The following HPSE2 variants were observed in gnomAD, a reference collection of about 807,000 sequenced individuals.
HPSE2 encodes inactive heparanase-2.
Under a neutral mutation model 60.5 loss-of-function variants are expected in HPSE2, and 38 were observed. That is an observed-to-expected ratio of 0.63 (90% confidence interval 0.48 to 0.82). The LOEUF (loss-of-function observed/expected upper bound fraction) is 0.82, where lower values mean the gene tolerates loss of function less well. Ranked by LOEUF, HPSE2 falls within the 40% of genes least tolerant of loss-of-function variation. The pLI, the probability that HPSE2 is intolerant of heterozygous loss-of-function variation, is 0.00. For synonymous variants in HPSE2, 295 were observed against 293.2 expected (o/e 1.01, Z -0.06); for missense variants, 713 against 740.4 (o/e 0.96, Z 0.43).
At chr10:98,759,750 T>C (rs1184623123) in intron 3 of HPSE2, among the ~76,000 whole-genome samples, 1 of 152,102 alleles carries the variant, frequency 6.6e-6, no homozygotes, top group East Asian at 1.9e-4. Flanking sequence ...TTGTTCTTCT[T>C]GCTCAAGATT....
chr10:98,964,985 C>A (rs532200638), intron 3 of HPSE2, among the ~76,000 whole-genome samples: 1 of 152,088 alleles, frequency 6.6e-6, no homozygotes, highest in Non-Finnish European at 1.5e-5. Flanking sequence ...ATATTCATAA[C>A]TTGATTCTCA....
At chr10:98,984,649 T>G (rs1004124436) in intron 3 of HPSE2, among the ~76,000 whole-genome samples, 1 of 152,138 alleles carries the variant, frequency 6.6e-6, no homozygotes, top group African/African-American at 2.4e-5. Context: ...GGAGAATGAC[T>G]TTGACGAGTT....
chr10:99,236,660 T>C (rs779822582), upstream of HPSE2, among the ~76,000 whole-genome samples: 7 of 152,090 alleles, frequency 4.6e-5, no homozygotes, highest in Admixed American at 6.5e-5. Context: ...AAAAACATAG[T>C]GACCTGGTCA....
At chr10:98,858,420 G>T (rs7919603) in intron 3 of HPSE2, among the ~76,000 whole-genome samples, 2,815 of 152,232 alleles carry the variant, frequency 0.018, 89 homozygotes, top group African/African-American at 0.064. Flanking sequence ...GAAACTAATA[G>T]AAAACCAAAT....
chr10:98,487,421 A>G (rs569477741), intron 10 of HPSE2, among the ~76,000 whole-genome samples: 2 of 152,220 alleles, frequency 1.3e-5, no homozygotes, highest in Admixed American at 1.3e-4. Context: ...GGGAGATGTG[A>G]AATGGATTCC....
chr10:98,770,594 C>G (rs537283754), intron 3 of HPSE2, among the ~76,000 whole-genome samples: 2 of 152,240 alleles, frequency 1.3e-5, no homozygotes, highest in South Asian at 2.1e-4. Context: ...TCCCCATGAG[C>G]CTGGCTGAAT....
chr10:99,236,167 G>T (rs1459990010), upstream of HPSE2, among the ~76,000 whole-genome samples: 1 of 151,754 alleles, frequency 6.6e-6, no homozygotes, highest in African/African-American at 2.4e-5. Flanking sequence ...CTTTTTAAAG[G>T]TAAGGGGAGG....
At chr10:98,547,575 T>C (rs1316340901) in intron 9 of HPSE2, among the ~76,000 whole-genome samples, 3 of 141,258 alleles carry the variant, frequency 2.1e-5, no homozygotes, top group Non-Finnish European at 4.5e-5. Flanking sequence ...AAACACCGCA[T>C]GTTCTCACTC....
At chr10:98,492,319 G>A (rs112989089) in intron 9 of HPSE2, among the ~76,000 whole-genome samples, 54 of 152,138 alleles carry the variant, frequency 3.5e-4, no homozygotes, top group African/African-American at 1.1e-3. Flanking sequence ...TGGCTAACAC[G>A]GTGAAACCCG....
chr10:99,004,966 C>T lies in HPSE2; in HGVS notation c.610+139272G>A, dbSNP rs561050657. Reference sequence around the variant, plus strand: ...TTTTCCTTTAGTACTTTGAATATACCATTCCACTATCTCCTGCCTATAAAG... The same window carrying T: ...TTTTCCTTTAGTACTTTGAATATACTATTCCACTATCTCCTGCCTATAAAG... On this transcript the variant is annotated intron_variant, in intron 3 of 11. Coordinates refer to ENST00000370552, the MANE Select transcript of HPSE2 (RefSeq NM_021828.5). Among the ~76,000 whole-genome samples the T allele has an allele frequency of 5.9e-5, 9 of 152,120 alleles. No individual in the cohort carries two copies. The South Asian group carries it at 8.3e-4, about 14-fold the overall frequency.
At chr10:99,171,100 A>T (rs1366091855) in intron 2 of HPSE2, among the ~76,000 whole-genome samples, 1 of 152,196 alleles carries the variant, frequency 6.6e-6, no homozygotes, top group African/African-American at 2.4e-5. Context: ...ACAAATACCA[A>T]GGGACAAATA....
chr10:99,220,710 G>A (rs1849279534), intron 2 of HPSE2, among the ~76,000 whole-genome samples: 1 of 151,672 alleles, frequency 6.6e-6, no homozygotes, highest in African/African-American at 2.4e-5. Flanking sequence ...GGCTGAGGCA[G>A]GAGAATCTCT....
At chr10:99,278,254 TTC>T in the HPSE2 span, among the ~76,000 whole-genome samples, 1 of 152,190 alleles carries the variant, frequency 6.6e-6, no homozygotes, top group African/African-American at 2.4e-5. Context: ...ACAAGTGATT[TTC>T]TGTTATTCTT....
chr10:98,607,109 C>T (rs1945615178), intron 9 of HPSE2, among the ~76,000 whole-genome samples: 1 of 142,356 alleles, frequency 7.0e-6, no homozygotes, highest in African/African-American at 2.6e-5. Context: ...CTCCCTCCCT[C>T]TCTTTCTTCT....
intron 3 of HPSE2, among the ~76,000 whole-genome samples, chr10:98,751,310 C>T (rs1327412756): frequency 2.0e-5 from 3 of 152,084 alleles, no homozygotes; most frequent in African/African-American, 7.2e-5. Context: ...GATGGAGCAA[C>T]AACTGTTACC....
intron 9 of HPSE2, among the ~76,000 whole-genome samples, chr10:98,555,273 C>T (rs1943972585): frequency 6.6e-6 from 1 of 152,200 alleles, no homozygotes; most frequent in Non-Finnish European, 1.5e-5. Context: ...ACTTAATAAG[C>T]CTTCCAGCAC....
At chr10:99,286,959 T>C in the HPSE2 span, among the ~76,000 whole-genome samples, 2 of 152,182 alleles carry the variant, frequency 1.3e-5, no homozygotes. Flanking sequence ...CAGTGATGCA[T>C]AGATTTGAAC....
intron 3 of HPSE2, among the ~76,000 whole-genome samples, chr10:98,922,014 C>G (rs755274948): frequency 6.6e-6 from 1 of 152,026 alleles, no homozygotes; most frequent in Non-Finnish European, 1.5e-5. Context: ...GTCACAAATG[C>G]AAGTTACATT....
intron 7 of HPSE2, among the ~76,000 whole-genome samples, chr10:98,627,679 G>A (rs986215448): frequency 3.3e-5 from 5 of 152,170 alleles, no homozygotes; most frequent in African/African-American, 9.7e-5. Flanking sequence ...AGGATTTTAT[G>A]ATATTTAAAT....
Sources: gnomAD v4.1 joint callset for allele counts (sites outside exome capture counted in the v4.1 genomes callset) on GRCh38, gnomAD v4.1.1 for gene constraint, MANE v1.5 for transcripts, NCBI Gene and HGNC (gene_info 2026-07-23, HGNC 2026-07-21) for gene names.